Variants in ARL6 observed in about 807,000 individuals in gnomAD.
The protein encoded by ARL6 is ADP-ribosylation factor-like protein 6.
Under a neutral mutation model 27.1 loss-of-function variants are expected in ARL6, and 18 were observed. That is an observed-to-expected ratio of 0.66 (90% CI 0.46 to 0.98). The LOEUF is 0.98. Among genes scored for constraint, ARL6 ranks in the 50% least tolerant of loss-of-function variants. The probability of loss-of-function intolerance (pLI) is 0.00; values close to 1 mark genes in which losing one functional copy is unlikely to be tolerated. For missense variants in ARL6, 187 were observed against 214.9 expected (o/e 0.87, Z 0.81); for synonymous variants, 65 against 72.3 (o/e 0.90, Z 0.51).
intron 1 of ARL6, 94 bp from the exon 2 acceptor site, chr3:97,767,987 G>A (rs2036462820): frequency 3.7e-6 from 4 of 1,086,150 alleles, no homozygotes; most frequent in Middle Eastern, 2.3e-4. Context: ...ATTATTATGT[G>A]TATTTAAATT....
chr3:97,765,122 T>A (rs1485211645), intron 1 of ARL6, 145 bp downstream of exon 1: 1 of 152,106 alleles, frequency 6.6e-6, no homozygotes, highest in Admixed American at 6.6e-5. Flanking sequence ...AGGTGAGTTA[T>A]AGAGGCCCTA....
Position 97,790,141 on chromosome 3 carries a change from A to C in ARL6, c.480-1630A>C, listed in dbSNP as rs72934162. Among the ~76,000 whole-genome samples, 1,082 of 151,820 alleles carry C rather than the reference A, an allele frequency of 7.1e-3. 12 individuals are homozygous for C. Among genetic ancestry groups the C allele is most frequent in the African/African-American group, 0.023 (967 of 41,394 alleles). ...TTACCATCTTGTGGGGGAGACAAAT[A>C]ATAAGCAAATAAATTTATAAAATGT... On this transcript the variant is annotated intron_variant, in intron 6 of 7. Transcript: ENST00000463745.
At chr3:97,789,145 C>G (rs1357834637) in intron 6 of ARL6, among the ~76,000 whole-genome samples, 1 of 152,096 alleles carries the variant, frequency 6.6e-6, no homozygotes, top group South Asian at 2.1e-4. Context: ...GTATTCAGAG[C>G]CTCCAGCACC....
At chr3:97,772,453 A>G (rs1459188671) in intron 2 of ARL6, among the ~76,000 whole-genome samples, 7 of 151,624 alleles carry the variant, frequency 4.6e-5, no homozygotes, top group Admixed American at 4.6e-4. Flanking sequence ...TTATAATTTC[A>G]AAAAGCCAAC....
At chr3:97,772,770 C>T (rs1308318349) in intron 2 of ARL6, among the ~76,000 whole-genome samples, 3 of 151,704 alleles carry the variant, frequency 2.0e-5, no homozygotes, top group Admixed American at 2.0e-4. Context: ...TATAGGCATG[C>T]ACCACCATGC....
intron 6 of ARL6, 61 bp downstream of exon 6, chr3:97,788,180 G>A (rs2037552453): frequency 6.5e-7 from 1 of 1,539,640 alleles, no homozygotes; most frequent in Non-Finnish European, 8.9e-7. Context: ...CTTCAGAGTT[G>A]TTTCTTCTGA....
intron 6 of ARL6, 132 bp downstream of exon 6, chr3:97,788,251 G>A (rs1559687820): frequency 4.0e-6 from 4 of 1,002,320 alleles, no homozygotes; most frequent in Non-Finnish European, 5.7e-6. Flanking sequence ...ATTTTGTTTT[G>A]TAGAATTGTG....
chr3:97,786,904 G>A lies in ARL6; in HGVS notation c.350-1086G>A, dbSNP rs573243165. On this transcript the variant is annotated intron_variant, in intron 5 of 7. Transcript: ENST00000463745. ...ATGGAAAATATCAAGAAGTTTCATA[G>A]CAGTCTTTTGGCTAGGGGAGTGGAA... Among the ~76,000 whole-genome samples, 3 of 152,282 alleles carry A rather than the reference G, an allele frequency of 2.0e-5. No homozygotes were observed. The South Asian group carries it at 6.2e-4, about 32-fold the overall frequency.
intron 7 of ARL6, chr3:97,792,041 T>C: frequency 1.9e-6 from 1 of 539,794 alleles, no homozygotes; most frequent in Non-Finnish European, 3.3e-6. Context: ...AGTGTTTGAA[T>C]CTTTACAGTC....
intron 7 of ARL6, among the ~76,000 whole-genome samples, chr3:97,796,954 GA>G (rs2038033068): frequency 6.6e-6 from 1 of 152,000 alleles, no homozygotes; most frequent in African/African-American, 2.4e-5. Context: ...TAGCCACTGA[GA>G]AGAATATTTT....
At chr3:97,775,039 CAGTTCGTGCCAAGG>C (rs2036825118) in intron 2 of ARL6, among the ~76,000 whole-genome samples, 1 of 152,174 alleles carries the variant, frequency 6.6e-6, no homozygotes, top group Non-Finnish European at 1.5e-5. Flanking sequence ...ACTCTCTAAA[CAGTTCGTGCCAAGG>C]ACTATCAGTG....
At chr3:97,777,616 A>AGGGCTGACTGTAATTCCTATACTCTTT (rs1334042139) in intron 2 of ARL6, among the ~76,000 whole-genome samples, 7 of 152,196 alleles carry the variant, frequency 4.6e-5, no homozygotes, top group Non-Finnish European at 8.8e-5. Context: ...ATAGATACAG[A>AGGGCTGACTGTAATTCCTATACTCTTT]GGGCTGACTG....
chr3:97,798,158 G>T lies in ARL6; in HGVS notation c.*109G>T. The T allele has an allele frequency of 8.4e-7, 1 of 1,190,186 alleles. No homozygotes were observed. Among genetic ancestry groups the T allele is most frequent in the Non-Finnish European group, 1.2e-6 (1 of 805,392 alleles). The allele number at this position is 1,190,186 out of a possible 1,614,324, so 73.7% of individuals were successfully genotyped here. ...TATGCATCAAAAAATATAATTTTCTGCTTGCATTTATGGACTCTGACCTTT... is the reference window on the plus strand; with the variant it reads ...TATGCATCAAAAAATATAATTTTCTTCTTGCATTTATGGACTCTGACCTTT... On this transcript the variant is annotated 3_prime_UTR_variant, in exon 8 of 8. Transcript: ENST00000463745.
At chr3:97,779,978 A>G (rs760706997) in intron 2 of ARL6, among the ~76,000 whole-genome samples, 181 bp from the exon 3 acceptor site, 34 of 152,334 alleles carry the variant, frequency 2.2e-4, no homozygotes, top group Non-Finnish European at 4.0e-4. Flanking sequence ...TAATTAGTAA[A>G]CCTTAAACTT....
In ARL6 at chr3:97,798,425, A is replaced by C. The variant is rs532057901; in HGVS notation, c.*376A>C. ...TTTAGTTTATGACTTTGCAGTATGA[A>C]TTGTGCTTGTGAAAAAGAACTTTAA... On this transcript the variant is annotated 3_prime_UTR_variant, in exon 8 of 8. Transcript: ENST00000463745. 1 of 157,978 alleles carries C rather than the reference A, an allele frequency of 6.3e-6. No individual in the cohort carries two copies. Among genetic ancestry groups the C allele is most frequent in the South Asian group, 2.0e-4 (1 of 5,078 alleles). The allele number at this position is 157,978 out of a possible 1,614,324, so 9.8% of individuals were successfully genotyped here.
In ARL6 at chr3:97,798,137, C is replaced by T. The variant is rs777238585; in HGVS notation, c.*88C>T. Reference sequence around the variant, plus strand: ...ATACATTTTGTAAAAGATGTTTATGCATCAAAAAATATAATTTTCTGCTTG... The same window carrying T: ...ATACATTTTGTAAAAGATGTTTATGTATCAAAAAATATAATTTTCTGCTTG... On this transcript the variant is annotated 3_prime_UTR_variant, in exon 8 of 8. Transcript: ENST00000463745. The T allele has an allele frequency of 2.0e-5, 26 of 1,332,718 alleles. No homozygotes were observed. The highest frequency in any genetic ancestry group is 1.9e-4 in the Admixed American group (11 of 56,468). The allele number at this position is 1,332,718 out of a possible 1,614,324, so 82.6% of individuals were successfully genotyped here.
chr3:97,772,543 A>G (rs2036685619), intron 2 of ARL6, among the ~76,000 whole-genome samples: 1 of 143,524 alleles, frequency 7.0e-6, no homozygotes, highest in Non-Finnish European at 1.5e-5. Context: ...ATTTCCTTCT[A>G]TTAATTTTGG....
chr3:97,777,370 C>T (rs1244190221), intron 2 of ARL6, among the ~76,000 whole-genome samples: 7 of 152,002 alleles, frequency 4.6e-5, no homozygotes, highest in Admixed American at 1.3e-4. Context: ...CCACCCCCTT[C>T]CACCCTCCTA....
At chr3:97,794,476 AGTG>A (rs1197264572) in intron 7 of ARL6, among the ~76,000 whole-genome samples, 1 of 152,042 alleles carries the variant, frequency 6.6e-6, no homozygotes, top group Non-Finnish European at 1.5e-5. Flanking sequence ...AGCCTCCAAA[AGTG>A]GTGGGATTAC....
Sources: allele counts gnomAD v4.1 joint callset (sites outside exome capture counted in the v4.1 genomes callset), GRCh38; gene constraint gnomAD v4.1.1; transcripts MANE v1.5; gene names NCBI Gene and HGNC (gene_info 2026-07-23, HGNC 2026-07-21).